CCSER1: variants seen among roughly 807,000 people sequenced by gnomAD.
CCSER1 encodes the protein coiled-coil serine rich protein 1, also known as serine-rich coiled-coil domain-containing protein 1.
CCSER1 carries 41 observed loss-of-function variants against 82.0 expected under a neutral mutation model. The ratio of observed to expected loss-of-function variants is 0.50; its 90% CI spans 0.39 to 0.65. The LOEUF (loss-of-function observed/expected upper bound fraction) is 0.65, where lower values mean the gene tolerates loss of function less well. Among genes scored for constraint, CCSER1 ranks in the 30% least tolerant of loss-of-function variants. The pLI is 0.00. For missense variants in CCSER1, 1,119 were observed against 1,064.2 expected (o/e 1.05, Z -0.72); for synonymous variants, 414 against 383.9 (o/e 1.08, Z -0.92).
At chr4:90,861,053 A>G (rs540990871) in intron 8 of CCSER1, among the ~76,000 whole-genome samples, 3 of 151,862 alleles carry the variant, frequency 2.0e-5, no homozygotes, top group African/African-American at 7.2e-5. Flanking sequence ...AAATGATAAT[A>G]AAAAATCAGC....
intron 10 of CCSER1, among the ~76,000 whole-genome samples, chr4:91,195,765 A>G (rs941926855): frequency 2.0e-5 from 3 of 152,180 alleles, no homozygotes; most frequent in African/African-American, 7.2e-5. Flanking sequence ...CTCTCACATC[A>G]TTCTGCGTGG....
chr4:90,141,077 A>G (rs1724715055), intron 1 of CCSER1, among the ~76,000 whole-genome samples: 1 of 125,076 alleles, frequency 8.0e-6, no homozygotes, highest in African/African-American at 3.0e-5. Context: ...CTGTCTACCT[A>G]TTGAAAGACT....
intron 7 of CCSER1, among the ~76,000 whole-genome samples, chr4:90,794,649 CT>C (rs533896740): frequency 7.2e-5 from 11 of 151,742 alleles, no homozygotes; most frequent in Admixed American, 3.9e-4. Context: ...TTCAGGCGTT[CT>C]TTTTTTTCCT....
At chr4:91,391,816 G>A (rs1054465073) in intron 10 of CCSER1, among the ~76,000 whole-genome samples, 3 of 152,020 alleles carry the variant, frequency 2.0e-5, no homozygotes, top group African/African-American at 7.2e-5. Context: ...TGTGTAATCT[G>A]CTATGTTGGC....
chr4:90,899,902 A>G (rs888220041), intron 8 of CCSER1, among the ~76,000 whole-genome samples: 1 of 151,814 alleles, frequency 6.6e-6, no homozygotes, highest in African/African-American at 2.4e-5. Flanking sequence ...GTTGACTTAT[A>G]GTTTTCTTTT....
At chr4:90,620,821 T>G (rs1722178371) in intron 5 of CCSER1, among the ~76,000 whole-genome samples, 1 of 151,972 alleles carries the variant, frequency 6.6e-6, no homozygotes. Context: ...CTTTCTTTTA[T>G]TTTTTTTAAA....
At chr4:90,822,538 C>T (rs1036649515) in intron 8 of CCSER1, among the ~76,000 whole-genome samples, 2 of 152,032 alleles carry the variant, frequency 1.3e-5, no homozygotes, top group South Asian at 2.1e-4. Context: ...TCCAGCATGG[C>T]CAACATGGTG....
At chr4:91,133,953 G>C (rs928559284) in intron 10 of CCSER1, among the ~76,000 whole-genome samples, 15 of 152,108 alleles carry the variant, frequency 9.9e-5, no homozygotes, top group Admixed American at 7.2e-4. Context: ...ACAAAAATTA[G>C]CCAGGCAAGG....
intron 10 of CCSER1, among the ~76,000 whole-genome samples, chr4:91,156,523 T>C (rs557928948): frequency 2.4e-4 from 36 of 151,514 alleles, no homozygotes; most frequent in African/African-American, 8.2e-4. Flanking sequence ...AAGAATTAAA[T>C]TATTAGAATT....
At chr4:91,589,012 C>G (rs1326709900) in intron 10 of CCSER1, among the ~76,000 whole-genome samples, 1 of 151,708 alleles carries the variant, frequency 6.6e-6, no homozygotes, top group Non-Finnish European at 1.5e-5. Flanking sequence ...TCTGAAATTA[C>G]TTGTATTGTT....
chr4:90,372,979 T>A (rs1747703399), intron 3 of CCSER1, among the ~76,000 whole-genome samples: 1 of 151,610 alleles, frequency 6.6e-6, no homozygotes, highest in Non-Finnish European at 1.5e-5. Flanking sequence ...AGCCATGGTA[T>A]AAGATATTAA....
At chr4:91,424,683 G>T (rs1753874763) in intron 10 of CCSER1, among the ~76,000 whole-genome samples, 1 of 152,104 alleles carries the variant, frequency 6.6e-6, no homozygotes, top group South Asian at 2.1e-4. Flanking sequence ...AAGTGCTTGA[G>T]AACTGCTAGC....
chr4:90,993,732 C>T (rs1056601884), intron 9 of CCSER1, among the ~76,000 whole-genome samples: 4 of 151,952 alleles, frequency 2.6e-5, no homozygotes, highest in Admixed American at 2.6e-4. Flanking sequence ...TATAAGAGTG[C>T]TAATTCTGTT....
At chr4:90,563,462 C>G (rs1034221182) in intron 5 of CCSER1, among the ~76,000 whole-genome samples, 1 of 152,086 alleles carries the variant, frequency 6.6e-6, no homozygotes, top group Admixed American at 6.6e-5. Flanking sequence ...TCCAACCACT[C>G]CTGCCCTTGA....
intron 1 of CCSER1, among the ~76,000 whole-genome samples, chr4:90,252,218 A>G (rs2153442056): frequency 6.6e-6 from 1 of 151,986 alleles, no homozygotes; most frequent in South Asian, 2.1e-4. Context: ...TCCGATGAGC[A>G]TTTCTTTTGA....
chr4:90,689,505 A>C (rs2149221353), intron 6 of CCSER1, among the ~76,000 whole-genome samples: 1 of 152,284 alleles, frequency 6.6e-6, no homozygotes, highest in East Asian at 1.9e-4. Flanking sequence ...TATTTAATGT[A>C]AATATTATTC....
rs191765549 is a variant in CCSER1 at position 91,502,607 on chromosome 4, A to G, written c.2218-95965A>G. Among the ~76,000 whole-genome samples the G allele has an allele frequency of 2.0e-5, 3 of 152,340 alleles. No individual in the cohort carries two copies. The East Asian group carries it at 5.8e-4, about 29-fold the overall frequency. ...GCACTAAAAGACCTCTTCTAACTGCAGCAGGTCTCATTTGCCAATTATTCA... is the reference window on the plus strand; with the variant it reads ...GCACTAAAAGACCTCTTCTAACTGCGGCAGGTCTCATTTGCCAATTATTCA... On this transcript the variant is annotated intron_variant, in intron 10 of 10. Transcript: ENST00000509176.
chr4:90,637,133 T>G (rs1725572234), intron 6 of CCSER1, among the ~76,000 whole-genome samples: 1 of 152,194 alleles, frequency 6.6e-6, no homozygotes, highest in African/African-American at 2.4e-5. Flanking sequence ...TGAAGGCGTC[T>G]CATTAGTTTG....
intron 10 of CCSER1, among the ~76,000 whole-genome samples, chr4:91,163,436 G>T (rs976149640): frequency 3.3e-5 from 5 of 151,932 alleles, no homozygotes; most frequent in Non-Finnish European, 5.9e-5. Context: ...TTCTGTAGAT[G>T]TCTATTAGGT....
Sources: gnomAD v4.1 joint callset for allele counts (sites outside exome capture counted in the v4.1 genomes callset) on GRCh38, gnomAD v4.1.1 for gene constraint, MANE v1.5 for transcripts, NCBI Gene and HGNC (gene_info 2026-07-23, HGNC 2026-07-21) for gene names.